The following FAF1 variants were observed in gnomAD, a reference collection of about 807,000 sequenced individuals.
The protein encoded by FAF1 is FAS-associated factor 1.
Under a neutral mutation model 92.5 loss-of-function variants are expected in FAF1, and 25 were observed. That is an observed-to-expected ratio of 0.27 (90% CI 0.20 to 0.38). The LOEUF (loss-of-function observed/expected upper bound fraction) is 0.38, where lower values mean the gene tolerates loss of function less well. FAF1 is among the 10% of genes least tolerant of loss of function. FAF1 has a pLI of 1.00. For synonymous variants in FAF1, 234 were observed against 273.2 expected, an observed-to-expected ratio of 0.86 and a Z score of 1.42; for missense variants, 636 against 793.3, an observed-to-expected ratio of 0.80 and a Z score of 2.38.
chr1:50,710,771 T>G (rs1468786517), intron 6 of FAF1, among the ~76,000 whole-genome samples: 1 of 151,362 alleles, frequency 6.6e-6, no homozygotes, highest in Non-Finnish European at 1.5e-5. Flanking sequence ...CCCGGCTAAT[T>G]TTTTGTATTT....
At chr1:50,570,619 AC>A (rs1237243006) in intron 12 of FAF1, among the ~76,000 whole-genome samples, 1 of 152,202 alleles carries the variant, frequency 6.6e-6, no homozygotes, top group African/African-American at 2.4e-5. Context: ...GGCTGTGGGT[AC>A]CCCAAAGTAG....
intron 6 of FAF1, among the ~76,000 whole-genome samples, chr1:50,733,438 A>G (rs1039944735): frequency 6.6e-6 from 1 of 152,134 alleles, no homozygotes; most frequent in African/African-American, 2.4e-5. Context: ...TCTGCTATGA[A>G]CTGAATTGTG....
At chr1:50,722,646 C>CA (rs58511862) in intron 6 of FAF1, among the ~76,000 whole-genome samples, 4,409 of 65,116 alleles carry the variant, frequency 0.068, 147 homozygotes, top group Non-Finnish European at 0.1. Context: ...GCGACAGTCT[C>CA]AAAAAAAAAA....
intron 15 of FAF1, among the ~76,000 whole-genome samples, chr1:50,500,731 A>G (rs1646973631): frequency 1.3e-5 from 2 of 152,306 alleles, no homozygotes; most frequent in South Asian, 4.1e-4. Flanking sequence ...ATGTTAAAGT[A>G]TCATGTGTAC....
At chr1:50,522,055 T>C (rs1647528293) in intron 15 of FAF1, among the ~76,000 whole-genome samples, 1 of 152,220 alleles carries the variant, frequency 6.6e-6, no homozygotes, top group Non-Finnish European at 1.5e-5. Flanking sequence ...GGTATGGATA[T>C]ATCTTTTTAA....
At chr1:50,586,217 T>C (rs1651225773) in intron 9 of FAF1, among the ~76,000 whole-genome samples, 2 of 152,196 alleles carry the variant, frequency 1.3e-5, no homozygotes, top group African/African-American at 4.8e-5. Flanking sequence ...AACAAAATAT[T>C]ACAATACATA....
At position 50,591,493 on chromosome 1, in the gene FAF1, G is replaced by A. The variant is rs182242607; in HGVS notation, c.840+4628C>T. ...GAGTTACCAGCCTGGCCAACATGGC[G>A]AAACCTCGTCTCTACTAAAAATACA... On this transcript the variant is annotated intron_variant, in intron 9 of 18. Transcript: ENST00000396153. 8.0e-4 allele frequency among the ~76,000 whole-genome samples: 121 copies of A among 152,132 alleles called. 1 individual carries two copies. The highest frequency in any genetic ancestry group is 1.4e-3 in the Admixed American group (21 of 15,286).
chr1:50,831,075 T>C (rs572990810), intron 2 of FAF1, among the ~76,000 whole-genome samples: 3 of 152,004 alleles, frequency 2.0e-5, no homozygotes, highest in South Asian at 2.1e-4. Context: ...AAAGAAACCA[T>C]AGTATATAGA....
At chr1:50,618,753 T>C (rs1029622465) in intron 8 of FAF1, among the ~76,000 whole-genome samples, 22 of 140,116 alleles carry the variant, frequency 1.6e-4, no homozygotes, top group African/African-American at 5.1e-4. Flanking sequence ...CAAAGCTTGC[T>C]TTTTTTTTTT....
chr1:50,716,314 A>G (rs987577558), intron 6 of FAF1, among the ~76,000 whole-genome samples: 2 of 152,196 alleles, frequency 1.3e-5, no homozygotes, highest in African/African-American at 4.8e-5. Context: ...TTCAGTAGAC[A>G]GAAGAATTAG....
At chr1:50,934,982 T>C (rs1444402201) in intron 1 of FAF1, among the ~76,000 whole-genome samples, 1 of 152,202 alleles carries the variant, frequency 6.6e-6, no homozygotes, top group East Asian at 1.9e-4. Context: ...GCAATTTGAT[T>C]ATGATGTGCC....
chr1:50,445,967 T>A (rs1349572910), intron 18 of FAF1, among the ~76,000 whole-genome samples: 2 of 152,196 alleles, frequency 1.3e-5, no homozygotes, highest in African/African-American at 4.8e-5. Flanking sequence ...TGAAATTTCA[T>A]ATACTGTTTC....
intron 4 of FAF1, among the ~76,000 whole-genome samples, chr1:50,767,155 C>T (rs1461023766): frequency 6.6e-6 from 1 of 152,172 alleles, no homozygotes; most frequent in Non-Finnish European, 1.5e-5. Context: ...GAGAAACTCA[C>T]TTTAAGAATT....
At chr1:50,607,919 C>T (rs1652501209) in intron 8 of FAF1, among the ~76,000 whole-genome samples, 2 of 152,204 alleles carry the variant, frequency 1.3e-5, no homozygotes, top group Admixed American at 6.5e-5. Flanking sequence ...TAGGGCTTAG[C>T]ACAGAAGGGT....
At chr1:50,734,629 G>A (rs963837403) in intron 6 of FAF1, among the ~76,000 whole-genome samples, 1 of 151,904 alleles carries the variant, frequency 6.6e-6, no homozygotes, top group African/African-American at 2.4e-5. Context: ...AGCTACTCGG[G>A]AGGCTGAGGC....
intron 18 of FAF1, among the ~76,000 whole-genome samples, chr1:50,472,576 C>G (rs1327619379): frequency 6.6e-6 from 1 of 152,038 alleles, no homozygotes; most frequent in Non-Finnish European, 1.5e-5. Context: ...GCTCGGAAAT[C>G]TTAACATGAA....
rs1440748238 is a variant in FAF1, at chr1:50,574,897, TC to T, written c.1114-7667del. On this transcript the variant is annotated intron_variant, in intron 12 of 18. Transcript: ENST00000396153. ...TTTAAGCATATAGAGTTGTATTAACTCTTTTTTTTTTTTTTTTTTTTTTTTT... is the reference window on the plus strand; with the variant it reads ...TTTAAGCATATAGAGTTGTATTAACTTTTTTTTTTTTTTTTTTTTTTTTTT... Among the ~76,000 whole-genome samples, 48 of 127,068 alleles carry T rather than the reference TC, an allele frequency of 3.8e-4. 2 individuals are homozygous for T. The highest frequency in any genetic ancestry group is 1.4e-3 in the African/African-American group (43 of 30,754). The allele number at this position is 127,068 out of a possible 152,430, so 83.4% of individuals were successfully genotyped here. A position where few individuals can be genotyped will look rare whatever the true frequency, so the allele number is the denominator to read the frequency against.
chr1:50,657,436 C>T (rs1358445571), intron 7 of FAF1, among the ~76,000 whole-genome samples: 1 of 152,054 alleles, frequency 6.6e-6, no homozygotes, highest in Admixed American at 6.6e-5. Context: ...GTGTCTCATG[C>T]CTGTAATCCC....
intron 6 of FAF1, among the ~76,000 whole-genome samples, chr1:50,724,281 A>T (rs1658538589): frequency 8.6e-6 from 1 of 116,554 alleles, no homozygotes; most frequent in Admixed American, 8.8e-5. Flanking sequence ...ACATATACAC[A>T]CACACACACA....
Sources: allele counts gnomAD v4.1 joint callset (sites outside exome capture counted in the v4.1 genomes callset), GRCh38; gene constraint gnomAD v4.1.1; transcripts MANE v1.5; gene names NCBI Gene and HGNC (gene_info 2026-07-23, HGNC 2026-07-21).